GRID2: variants seen among roughly 807,000 people sequenced by gnomAD.
GRID2 encodes the protein glutamate ionotropic receptor delta type subunit 2.
Under a neutral mutation model 114.8 loss-of-function variants are expected in GRID2, and 33 were observed. That is an observed-to-expected ratio of 0.29 (90% confidence interval 0.22 to 0.38). The LOEUF (loss-of-function observed/expected upper bound fraction) is 0.38, where lower values mean the gene tolerates loss of function less well. Among genes scored for constraint, GRID2 ranks in the 10% least tolerant of loss-of-function variants. The pLI, the probability that GRID2 is intolerant of heterozygous loss-of-function variation, is 1.00. For missense variants in GRID2, 1,184 were observed against 1,257.7 expected (o/e 0.94, Z 0.89); for synonymous variants, 505 against 449.9 (o/e 1.12, Z -1.55).
chr4:92,534,338 T>G (rs532676851), intron 1 of GRID2, among the ~76,000 whole-genome samples: 18 of 152,230 alleles, frequency 1.2e-4, no homozygotes, highest in African/African-American at 3.8e-4. Context: ...ACTTCAAAGA[T>G]TAGAATTATC....
chr4:92,885,247 GGTA>G (rs1431215597), intron 2 of GRID2: 1 of 165,104 alleles, frequency 6.1e-6, no homozygotes, highest in African/African-American at 2.4e-5. Context: ...GAGGTTTGAT[GGTA>G]ATGTTTCTAC....
At chr4:92,911,039 G>A (rs1748338676) in intron 2 of GRID2, among the ~76,000 whole-genome samples, 1 of 151,928 alleles carries the variant, frequency 6.6e-6, no homozygotes, top group Non-Finnish European at 1.5e-5. Context: ...TTGAATATCA[G>A]TATATAATAG....
At chr4:93,788,909 C>T (rs1396593984) in intron 1 of GRID2, among the ~76,000 whole-genome samples, 1 of 152,158 alleles carries the variant, frequency 6.6e-6, no homozygotes, top group Non-Finnish European at 1.5e-5. Context: ...GGTGGCTCTG[C>T]ATAGAAACAG....
intron 4 of GRID2, among the ~76,000 whole-genome samples, chr4:93,148,964 T>G (rs891180431): frequency 6.6e-6 from 1 of 152,208 alleles, no homozygotes; most frequent in Admixed American, 6.5e-5. Context: ...GGTTCCCATA[T>G]CTTTTGCTTA....
intron 4 of GRID2, chr4:93,112,160 G>C (rs952280658): frequency 6.6e-6 from 1 of 152,068 alleles, no homozygotes; most frequent in African/African-American, 2.4e-5. Flanking sequence ...ATATAAATTA[G>C]GATGTTAAAA....
chr4:93,217,128 AAATAT>A, intron 6 of GRID2: 1 of 379,768 alleles, frequency 2.6e-6, no homozygotes, highest in Admixed American at 4.1e-5. Context: ...CTTAATAAAA[AAATAT>A]AATAAGTAAA....
chr4:93,118,143 T>A (rs1262539004), intron 4 of GRID2, among the ~76,000 whole-genome samples: 1 of 152,202 alleles, frequency 6.6e-6, no homozygotes, highest in Non-Finnish European at 1.5e-5. Flanking sequence ...AGTCTACGGC[T>A]TCTGCCACCC....
intron 12 of GRID2, among the ~76,000 whole-genome samples, chr4:93,513,231 A>G (rs1428254040): frequency 6.6e-6 from 1 of 152,128 alleles, no homozygotes; most frequent in Non-Finnish European, 1.5e-5. Flanking sequence ...AACTGAACAA[A>G]CGAGTATTGT....
chr4:92,464,581 TAAAAA>T (rs35164263), intron 1 of GRID2, among the ~76,000 whole-genome samples: 1 of 151,928 alleles, frequency 6.6e-6, no homozygotes, highest in South Asian at 2.1e-4. Context: ...CAAAAATCCT[TAAAAA>T]AAGGTAATAC....
intron 4 of GRID2, among the ~76,000 whole-genome samples, chr4:93,165,722 T>A (rs1738186930): frequency 6.6e-6 from 1 of 152,090 alleles, no homozygotes; most frequent in Non-Finnish European, 1.5e-5. Context: ...AGTAGCAACT[T>A]AACATAAATG....
At chr4:92,991,016 A>G (rs1754870021) in intron 2 of GRID2, among the ~76,000 whole-genome samples, 1 of 152,186 alleles carries the variant, frequency 6.6e-6, no homozygotes, top group African/African-American at 2.4e-5. Context: ...TGTCAGCTCA[A>G]TATGCCAAGA....
At chr4:93,011,652 C>T (rs1722182071) in intron 2 of GRID2, among the ~76,000 whole-genome samples, 1 of 152,006 alleles carries the variant, frequency 6.6e-6, no homozygotes, top group South Asian at 2.1e-4. Flanking sequence ...GTCACATTGA[C>T]AATTATTTTG....
chr4:93,709,882 T>C (rs1045089915), intron 14 of GRID2, among the ~76,000 whole-genome samples: 19 of 152,328 alleles, frequency 1.2e-4, no homozygotes, highest in African/African-American at 3.8e-4. Context: ...AGTATGTCAG[T>C]TGCATTTTTT....
chr4:93,541,307 A>G lies in GRID2; in HGVS notation c.2193+25896A>G, dbSNP rs534550889. ...AGCTGTAGAATTATAAAAGTTAACA[A>G]CATGACTATAATGTTTCCCAGCAAA... On this transcript the variant is annotated intron_variant, in intron 13 of 15. Transcript: ENST00000282020. Among the ~76,000 whole-genome samples the G allele has an allele frequency of 2.6e-5, 4 of 152,234 alleles. No individual in the cohort carries two copies. In the South Asian group the frequency reaches 8.3e-4, roughly 32 times the overall value.
chr4:93,040,883 G>A (rs1044554884), intron 2 of GRID2, among the ~76,000 whole-genome samples: 4 of 152,038 alleles, frequency 2.6e-5, no homozygotes, highest in African/African-American at 9.7e-5. Flanking sequence ...GCATCTTTCT[G>A]GATCCTACTT....
At chr4:93,610,816 A>T (rs1408606444) in intron 13 of GRID2, among the ~76,000 whole-genome samples, 1 of 116,840 alleles carries the variant, frequency 8.6e-6, no homozygotes, top group African/African-American at 3.9e-5. Context: ...TATCAGAATG[A>T]TGCTGGCCTC....
intron 4 of GRID2, among the ~76,000 whole-genome samples, chr4:93,177,830 A>G (rs1739489140): frequency 1.3e-5 from 2 of 152,126 alleles, no homozygotes; most frequent in Non-Finnish European, 2.9e-5. Context: ...TAGTTTTAGC[A>G]ACTGCAAACA....
At chr4:92,516,148 G>A (rs1724490542) in intron 1 of GRID2, among the ~76,000 whole-genome samples, 1 of 151,912 alleles carries the variant, frequency 6.6e-6, no homozygotes, top group East Asian at 1.9e-4. Context: ...CTTAACGTAT[G>A]CTGCAGAGAA....
intron 2 of GRID2, among the ~76,000 whole-genome samples, chr4:92,639,377 T>C (rs1482612189): frequency 6.6e-6 from 1 of 151,790 alleles, no homozygotes; most frequent in Non-Finnish European, 1.5e-5. Context: ...CAAATGAAGA[T>C]TAATTGACTT....
Sources: allele counts gnomAD v4.1 joint callset (sites outside exome capture counted in the v4.1 genomes callset), GRCh38; gene constraint gnomAD v4.1.1; transcripts MANE v1.5; gene names NCBI Gene and HGNC (gene_info 2026-07-23, HGNC 2026-07-21).